The following REDIC1 variants were observed in gnomAD, a reference collection of about 807,000 sequenced individuals.
REDIC1 encodes HEI10 Interacting Protein 1.
chr12:39,655,161 T>C, the REDIC1 span, among the ~76,000 whole-genome samples: 1 of 152,208 alleles, frequency 6.6e-6, no homozygotes, highest in East Asian at 1.9e-4. Context: ...GTAGGTCTTT[T>C]TAAACAACTG....
chr12:39,758,530 GCAAGTAATTTTGTGAT>G, the REDIC1 span: 2 of 151,878 alleles, frequency 1.3e-5, no homozygotes, highest in African/African-American at 4.8e-5. Context: ...CCTGGAACTA[GCAAGTAATTTTGTGAT>G]CAAGTAATTT....
chr12:39,801,247 T>TA, the REDIC1 span, among the ~76,000 whole-genome samples: 4 of 131,394 alleles, frequency 3.0e-5, no homozygotes, highest in East Asian at 2.2e-4. Flanking sequence ...AGAGTATAAT[T>TA]AAAAAAAAAA....
chr12:39,638,113 CA>C, the REDIC1 span, among the ~76,000 whole-genome samples: 15 of 152,054 alleles, frequency 9.9e-5, no homozygotes, highest in Admixed American at 9.8e-4. Flanking sequence ...ACAACAACAA[CA>C]AAAAACAAAT....
chr12:39,714,096 T>TAC, the REDIC1 span, among the ~76,000 whole-genome samples: 6 of 150,728 alleles, frequency 4.0e-5, no homozygotes, highest in East Asian at 2.0e-4. Context: ...TATATGTACA[T>TAC]GTATATACGT....
chr12:39,744,185 A>ATACT, the REDIC1 span, among the ~76,000 whole-genome samples: 3 of 152,212 alleles, frequency 2.0e-5, no homozygotes, highest in African/African-American at 7.2e-5. Context: ...GTGGGGTGAA[A>ATACT]TACTTAAATA....
chr12:39,687,129 T>C, the REDIC1 span, among the ~76,000 whole-genome samples: 1 of 152,150 alleles, frequency 6.6e-6, no homozygotes, highest in African/African-American at 2.4e-5. Flanking sequence ...TTTACGAAGT[T>C]CCAAACTTTC....
the REDIC1 span, among the ~76,000 whole-genome samples, chr12:39,682,289 G>C: frequency 1.3e-5 from 2 of 151,972 alleles, no homozygotes; most frequent in African/African-American, 4.8e-5. Flanking sequence ...ACATATAGTG[G>C]TTGTCTAGTT....
chr12:39,852,760 C>T, the REDIC1 span, among the ~76,000 whole-genome samples: 3 of 152,192 alleles, frequency 2.0e-5, no homozygotes, highest in African/African-American at 7.2e-5. Flanking sequence ...GAAAGTACCT[C>T]TGATTGGTCC....
the REDIC1 span, among the ~76,000 whole-genome samples, chr12:39,742,650 TA>T: frequency 2.0e-5 from 3 of 152,124 alleles, no homozygotes; most frequent in Non-Finnish European, 2.9e-5. Flanking sequence ...TTAAATCACG[TA>T]AAAAAGTGTT....
chr12:39,836,309 A>G, the REDIC1 span, among the ~76,000 whole-genome samples: 2 of 152,110 alleles, frequency 1.3e-5, no homozygotes, highest in African/African-American at 2.4e-5. Flanking sequence ...AAATAGAGGA[A>G]ATTAGAGTCC....
the REDIC1 span, among the ~76,000 whole-genome samples, chr12:39,747,950 C>T: frequency 6.6e-6 from 1 of 152,180 alleles, no homozygotes; most frequent in Non-Finnish European, 1.5e-5. Flanking sequence ...AAAGGAACAA[C>T]CGGTACCAGC....
chr12:39,886,968 C>T, the REDIC1 span, among the ~76,000 whole-genome samples: 1 of 152,122 alleles, frequency 6.6e-6, no homozygotes, highest in Non-Finnish European at 1.5e-5. Context: ...AAAATGCAAA[C>T]TTGATTGATA....
chr12:39,896,272 ATGTATACATGTATGTATATGTGTGTATAT>A, the REDIC1 span, among the ~76,000 whole-genome samples: 1 of 131,992 alleles, frequency 7.6e-6, no homozygotes, highest in African/African-American at 2.8e-5. Context: ...GTGTGTATAT[ATGTATACATGTATGTATATGTGTGTATAT>A]ATGTATACAT....
the REDIC1 span, chr12:39,650,160 G>T: frequency 1.6e-6 from 2 of 1,289,734 alleles, no homozygotes; most frequent in East Asian, 3.0e-5. The surrounding 1 kb of genome is among the most constrained non-coding windows in gnomAD (Gnocchi z 4.3). Context: ...TCATTTACAT[G>T]ACATTTTATG....
chr12:39,653,195 C>T, the REDIC1 span, among the ~76,000 whole-genome samples: 1 of 151,978 alleles, frequency 6.6e-6, no homozygotes, highest in African/African-American at 2.4e-5. Context: ...CTTCTTTCAT[C>T]TTCTTTAATT....
At chr12:39,683,448 C>T in the REDIC1 span, 2 of 1,601,500 alleles carry the variant, frequency 1.2e-6, no homozygotes, top group Admixed American at 1.7e-5. Context: ...GAGAAGACAC[C>T]ACAGAAAAGT....
the REDIC1 span, among the ~76,000 whole-genome samples, chr12:39,701,277 G>A: frequency 6.6e-6 from 1 of 152,042 alleles, no homozygotes; most frequent in African/African-American, 2.4e-5. Context: ...AAAAGGCAGG[G>A]GTTGCAATCC....
chr12:39,716,471 G>T, the REDIC1 span, among the ~76,000 whole-genome samples: 1 of 151,896 alleles, frequency 6.6e-6, no homozygotes, highest in Non-Finnish European at 1.5e-5. Context: ...TAATGCATAT[G>T]TTGGAAAAAT....
the REDIC1 span, among the ~76,000 whole-genome samples, chr12:39,697,575 G>GAT: frequency 6.6e-6 from 1 of 152,086 alleles, no homozygotes; most frequent in Non-Finnish European, 1.5e-5. Context: ...GAGTATAAAA[G>GAT]ATATATATAG....
Sources: gnomAD v4.1 joint callset for allele counts (sites outside exome capture counted in the v4.1 genomes callset) on GRCh38, gnomAD v4.1.1 for gene constraint, Gnocchi (gnomAD v3.1) non-coding constraint, MANE v1.5 for transcripts, NCBI Gene and HGNC (gene_info 2026-07-23, HGNC 2026-07-21) for gene names.